Variants in FKBP3 observed in about 807,000 individuals in gnomAD.
FKBP3 encodes FKBP prolyl isomerase 3.
In FKBP3, 21 loss-of-function variants were observed where a neutral mutation model predicts 30.6. The ratio of observed to expected loss-of-function variants is 0.69; its 90% confidence interval spans 0.49 to 0.99. FKBP3 has a LOEUF of 0.99. Ranked by LOEUF, FKBP3 falls within the 50% of genes least tolerant of loss-of-function variation. FKBP3 has a pLI of 0.00. For synonymous variants in FKBP3, 82 were observed against 91.3 expected (o/e 0.90, Z 0.58); for missense variants, 283 against 261.6 (o/e 1.08, Z -0.56).
At chr14:45,117,795 A>C (rs1219095819) in intron 6 of FKBP3, among the ~76,000 whole-genome samples, 2 of 152,250 alleles carry the variant, frequency 1.3e-5, no homozygotes, top group African/African-American at 4.8e-5. Flanking sequence ...CTTGAAAGTT[A>C]AGAATTTGAA....
chr14:45,134,428 C>G lies in FKBP3; in HGVS notation c.29G>C (p.Trp10Ser). The G allele has an allele frequency of 6.2e-7, 1 of 1,612,532 alleles. No homozygotes were observed. The highest frequency in any genetic ancestry group is 8.5e-7 in the Non-Finnish European group (1 of 1,179,376). Residue 10 changes from tryptophan to serine, a missense_variant, in exon 1 of 7, where the codon TGG (tryptophan) becomes TCG (serine). Coordinates refer to ENST00000396062, the MANE Select transcript of FKBP3 (RefSeq NM_002013.4). MAAAVPQRA[W>S]TVEQLRSEQL... ...CTCACTGCGCAGCTGCTCCACGGTC[C>G]ACGCCCGCTGTGGAACGGCCGCCGC...
chr14:45,116,501 TAG>T (rs113810759), intron 6 of FKBP3, among the ~76,000 whole-genome samples: 4 of 151,180 alleles, frequency 2.6e-5, no homozygotes, highest in Non-Finnish European at 5.9e-5. Context: ...TATATACATA[TAG>T]AGAGAGAGTA....
intron 3 of FKBP3, 94 bp downstream of exon 3, chr14:45,129,700 A>C (rs1382891004): frequency 2.8e-6 from 2 of 726,608 alleles, no homozygotes; most frequent in Non-Finnish European, 4.3e-6. Flanking sequence ...GTATTCAACC[A>C]CCCTTCACTA....
At chr14:45,131,416 G>A (rs1184357610) in intron 1 of FKBP3, among the ~76,000 whole-genome samples, 29 of 152,012 alleles carry the variant, frequency 1.9e-4, no homozygotes, top group Admixed American at 1.9e-3. Context: ...CGGATCACCT[G>A]AGGTCAGGAG....
chr14:45,133,398 C>A, intron 1 of FKBP3: 1 of 243,200 alleles, frequency 4.1e-6, no homozygotes. Flanking sequence ...ACCCGGGAGG[C>A]GGAGGTTGCA....
chr14:45,123,159 C>T (rs1885021302), intron 3 of FKBP3, among the ~76,000 whole-genome samples: 1 of 145,200 alleles, frequency 6.9e-6, no homozygotes, highest in Non-Finnish European at 1.5e-5. Flanking sequence ...CACCACTGGG[C>T]GACAGAGCAA....
At chr14:45,125,509 C>T (rs867372645) in intron 3 of FKBP3, among the ~76,000 whole-genome samples, 26 of 152,146 alleles carry the variant, frequency 1.7e-4, no homozygotes, top group African/African-American at 5.5e-4. Flanking sequence ...GAGTTTCTGT[C>T]GTAACTTATA....
intron 3 of FKBP3, among the ~76,000 whole-genome samples, chr14:45,129,376 G>A (rs1268174446): frequency 1.3e-5 from 2 of 152,172 alleles, no homozygotes; most frequent in African/African-American, 4.8e-5. Flanking sequence ...TGAGACAGAT[G>A]AACCCACATC....
rs776764404 is a variant in FKBP3 at position 45,118,014 on chromosome 14, G to T, written c.620+14C>A. ...TTTTTTTCAACTTTAATTATGAAGG[G>T]GAAAAAAGGATACTTGGCATCAGGC... is the stretch of plus-strand genomic sequence containing the variant. On this transcript the variant is annotated intron_variant, in intron 6 of 6. Transcript: ENST00000396062. The T allele has an allele frequency of 1.3e-6, 2 of 1,554,588 alleles. No homozygotes were observed. Among genetic ancestry groups the T allele is most frequent in the South Asian group, 1.2e-5 (1 of 84,384 alleles).
intron 3 of FKBP3, among the ~76,000 whole-genome samples, chr14:45,125,251 T>A (rs1050261478): frequency 4.6e-5 from 7 of 152,130 alleles, no homozygotes; most frequent in Non-Finnish European, 1.0e-4. Flanking sequence ...GTGACTGAAA[T>A]ATAAAAAATG....
intron 6 of FKBP3, among the ~76,000 whole-genome samples, chr14:45,117,130 C>G (rs1884864277): frequency 6.6e-6 from 1 of 152,144 alleles, no homozygotes; most frequent in Non-Finnish European, 1.5e-5. Context: ...CAACACCACG[C>G]CTGGCTAATT....
chr14:45,118,450 T>C (rs1566702968), intron 5 of FKBP3, among the ~76,000 whole-genome samples: 1 of 151,952 alleles, frequency 6.6e-6, no homozygotes, highest in Non-Finnish European at 1.5e-5. Context: ...GCTAACATAG[T>C]GAAACCCCAT....
At chr14:45,132,758 A>C (rs1885248252) in intron 1 of FKBP3, among the ~76,000 whole-genome samples, 3 of 152,092 alleles carry the variant, frequency 2.0e-5, no homozygotes, top group African/African-American at 7.2e-5. Flanking sequence ...TAAAAGATTA[A>C]TGTTATAAAA....
At chr14:45,119,484 G>A (rs756003836) in intron 5 of FKBP3, among the ~76,000 whole-genome samples, 12 of 151,754 alleles carry the variant, frequency 7.9e-5, no homozygotes, top group Non-Finnish European at 1.3e-4. Context: ...CAGGAGAATC[G>A]CTTGAACTCA....
In FKBP3 at chr14:45,134,412, C is replaced by G. The variant is rs760681690; in HGVS notation, c.45G>C (p.Leu15=). The G allele has an allele frequency of 1.9e-6, 3 of 1,613,760 alleles. No individual in the cohort carries two copies. The South Asian group carries it at 3.3e-5, about 18-fold the overall frequency. ...CCTTCTTGGGCAGCTGCTCACTGCG[C>G]AGCTGCTCCACGGTCCACGCCCGCT... ...VPQRAWTVEQ[L]RSEQLPKKDI... is the part of the protein sequence containing the mutation. The change falls in exon 1 of 7, where the codon CTG becomes CTC. Residue 15 remains leucine (L), a synonymous_variant. Transcript: ENST00000396062.
intron 1 of FKBP3, among the ~76,000 whole-genome samples, chr14:45,132,378 G>A (rs1057002662): frequency 6.6e-6 from 1 of 152,072 alleles, no homozygotes; most frequent in African/African-American, 2.4e-5. Context: ...ATAGGTCTAA[G>A]TGTTAATGAT....
chr14:45,117,932 C>A (rs1341755152), intron 6 of FKBP3, 96 bp downstream of exon 6: 2 of 844,602 alleles, frequency 2.4e-6, no homozygotes, highest in African/African-American at 1.8e-5. Flanking sequence ...GATTCTTGAT[C>A]CAGAAGTTTG....
chr14:45,134,125 C>CT (rs1444582188), intron 1 of FKBP3, among the ~76,000 whole-genome samples: 2 of 152,218 alleles, frequency 1.3e-5, no homozygotes, highest in East Asian at 3.9e-4. Flanking sequence ...CAATTGCAGC[C>CT]TGTGTGCCCC....
intron 3 of FKBP3, among the ~76,000 whole-genome samples, chr14:45,125,456 T>C (rs1885075995): frequency 6.6e-6 from 1 of 152,222 alleles, no homozygotes; most frequent in Non-Finnish European, 1.5e-5. Context: ...TTATCAAATT[T>C]TTCGTTTGAG....
Sources: allele counts gnomAD v4.1 joint callset (sites outside exome capture counted in the v4.1 genomes callset), GRCh38; gene constraint gnomAD v4.1.1; transcripts MANE v1.5; gene names NCBI Gene and HGNC (gene_info 2026-07-23, HGNC 2026-07-21).